Variants in UTRN observed in about 807,000 individuals in gnomAD.
UTRN encodes the protein dystrophin-related protein 1.
In UTRN, 283 loss-of-function variants were observed where a neutral mutation model predicts 463.9. The ratio of observed to expected loss-of-function variants is 0.61; its 90% confidence interval spans 0.55 to 0.67. The LOEUF (loss-of-function observed/expected upper bound fraction) is 0.67, where lower values mean the gene tolerates loss of function less well. UTRN is among the 30% of genes least tolerant of loss of function. UTRN has a pLI of 0.00. For synonymous variants in UTRN, 1,442 were observed against 1,431.5 expected (o/e 1.01, Z -0.17); for missense variants, 3,922 against 4,084.3 (o/e 0.96, Z 1.08).
In UTRN at chr6:144,650,489, G is replaced by A. The variant is rs575706395; in HGVS notation, c.7480-27917G>A. 2.6e-5 allele frequency among the ~76,000 whole-genome samples: 4 copies of A among 152,348 alleles called. No individual in the cohort carries two copies. The East Asian group carries it at 7.7e-4, about 29-fold the overall frequency. On this transcript the variant is annotated intron_variant, in intron 51 of 74. Coordinates refer to ENST00000367545, the MANE Select transcript of UTRN (RefSeq NM_007124.3). ...AGTAATTCAATAACGACTTTTGGTT[G>A]TCTACTATATGGTAGAGACTGTTGT...
chr6:144,540,280 G>A (rs1240932883), intron 45 of UTRN, among the ~76,000 whole-genome samples: 1 of 150,928 alleles, frequency 6.6e-6, no homozygotes, highest in Non-Finnish European at 1.5e-5. Context: ...TTTTTTGTTT[G>A]ACCTGGTACA....
intron 51 of UTRN, among the ~76,000 whole-genome samples, chr6:144,643,518 C>T (rs4568467): frequency 0.15 from 22,297 of 151,954 alleles, 2,057 homozygotes; most frequent in Middle Eastern, 0.26. Flanking sequence ...TTAATTGGGC[C>T]GGGCACGGTG....
intron 46 of UTRN, among the ~76,000 whole-genome samples, chr6:144,543,162 A>G (rs1012967907): frequency 1.3e-5 from 2 of 152,158 alleles, no homozygotes; most frequent in Non-Finnish European, 2.9e-5. Flanking sequence ...GGCTAGGTGC[A>G]AAAACTGGGG....
chr6:144,332,220 G>A (rs1271962200), intron 2 of UTRN, among the ~76,000 whole-genome samples: 3 of 152,168 alleles, frequency 2.0e-5, no homozygotes, highest in Non-Finnish European at 4.4e-5. Context: ...TTGTTCACTT[G>A]TTTGTTTACT....
chr6:144,779,792 A>T (rs1775654604), intron 60 of UTRN, among the ~76,000 whole-genome samples: 1 of 152,036 alleles, frequency 6.6e-6, no homozygotes, highest in South Asian at 2.1e-4. Flanking sequence ...AAAATTCCAG[A>T]TGGTTCTTAG....
chr6:144,599,569 A>C (rs1804020908), intron 51 of UTRN, among the ~76,000 whole-genome samples: 3 of 152,192 alleles, frequency 2.0e-5, no homozygotes, highest in Admixed American at 2.0e-4. Context: ...ATGCATATAC[A>C]GCAAATCACT....
chr6:144,721,165 C>T (rs1586208268), intron 53 of UTRN, among the ~76,000 whole-genome samples: 1 of 152,160 alleles, frequency 6.6e-6, no homozygotes, highest in Non-Finnish European at 1.5e-5. Flanking sequence ...CTACTAAACA[C>T]CTCAGAGCAT....
intron 50 of UTRN, among the ~76,000 whole-genome samples, chr6:144,569,244 T>C (rs1023635525): frequency 2.0e-5 from 3 of 152,084 alleles, no homozygotes; most frequent in African/African-American, 7.2e-5. Context: ...AAGCTATGAT[T>C]TTAAACTTAA....
intron 65 of UTRN, among the ~76,000 whole-genome samples, chr6:144,819,061 AAC>A (rs1404583301): frequency 1.3e-5 from 2 of 152,164 alleles, no homozygotes; most frequent in African/African-American, 2.4e-5. Flanking sequence ...ATATCCATAT[AAC>A]TGCAGATCAT....
chr6:144,382,807 G>A (rs559480675), intron 2 of UTRN, among the ~76,000 whole-genome samples: 1 of 152,198 alleles, frequency 6.6e-6, no homozygotes, highest in Non-Finnish European at 1.5e-5. Flanking sequence ...GTTTTATTAT[G>A]AGAAAACATG....
chr6:144,366,702 G>C (rs892944581), intron 2 of UTRN, among the ~76,000 whole-genome samples: 20 of 152,144 alleles, frequency 1.3e-4, no homozygotes, highest in Non-Finnish European at 4.4e-5. Flanking sequence ...TAGTGCTGTA[G>C]TGAACATACA....
At chr6:144,483,611 T>G (rs1014934546) in intron 27 of UTRN, among the ~76,000 whole-genome samples, 7 of 152,146 alleles carry the variant, frequency 4.6e-5, no homozygotes, top group African/African-American at 1.7e-4. Flanking sequence ...CCTGGCTAAT[T>G]ATTTTTAAAT....
intron 6 of UTRN, among the ~76,000 whole-genome samples, chr6:144,425,299 C>T (rs966497046): frequency 2.0e-5 from 3 of 152,024 alleles, no homozygotes; most frequent in Non-Finnish European, 4.4e-5. Flanking sequence ...TGCATCATAT[C>T]GGGGATAGGT....
intron 25 of UTRN, among the ~76,000 whole-genome samples, chr6:144,478,338 G>C (rs1791467343): frequency 6.6e-6 from 1 of 152,142 alleles, no homozygotes; most frequent in Admixed American, 6.5e-5. Flanking sequence ...TTTTGGATCT[G>C]TGAAAATTAT....
In UTRN at chr6:144,836,394, T is replaced by C. The variant is rs1242920993; in HGVS notation, c.9918T>C (p.His3306=). ...GSPPESIISP[H]HTSEDSELIA... ...CGCCAGAGTCGATTATATCTCCCCA[T>C]CACACGTCTGAGGATTCAGAACTTA... Residue 3306 remains histidine (H), a synonymous_variant, in exon 71 of 75, where the codon CAT becomes CAC. Transcript: ENST00000367545. 8.6e-7 allele frequency: 1 copy of C among 1,162,892 alleles called. No individual in the cohort carries two copies. The highest frequency in any genetic ancestry group is 1.2e-6 in the Non-Finnish European group (1 of 811,234). 72.0% of individuals were successfully genotyped at this position (1,162,892 alleles called of 1,614,324 possible).
intron 61 of UTRN, among the ~76,000 whole-genome samples, chr6:144,782,581 A>G (rs1775932170): frequency 6.6e-6 from 1 of 151,794 alleles, no homozygotes; most frequent in Non-Finnish European, 1.5e-5. Flanking sequence ...TGAACGAGGT[A>G]GTCTTTTAAT....
chr6:144,554,407 T>A (rs1799200837), intron 48 of UTRN, among the ~76,000 whole-genome samples: 1 of 152,212 alleles, frequency 6.6e-6, no homozygotes, highest in African/African-American at 2.4e-5. Flanking sequence ...TTCTTTATAA[T>A]TGTTTGGCAG....
At chr6:144,734,428 A>G (rs577360297) in intron 54 of UTRN, among the ~76,000 whole-genome samples, 1 of 152,308 alleles carries the variant, frequency 6.6e-6, no homozygotes, top group Admixed American at 6.5e-5. Context: ...TGAGCACTCA[A>G]CATTTACGAA....
chr6:144,608,973 A>C (rs1805180397), intron 51 of UTRN, among the ~76,000 whole-genome samples: 1 of 152,342 alleles, frequency 6.6e-6, no homozygotes, highest in East Asian at 1.9e-4. Context: ...AGGAAGAAGG[A>C]AACAAAGGAT....
Sources: gnomAD v4.1 joint callset for allele counts (sites outside exome capture counted in the v4.1 genomes callset) on GRCh38, gnomAD v4.1.1 for gene constraint, MANE v1.5 for transcripts, NCBI Gene and HGNC (gene_info 2026-07-23, HGNC 2026-07-21) for gene names.